The following DLGAP1 variants were observed in gnomAD, a reference collection of about 807,000 sequenced individuals.
DLGAP1 encodes DLG associated protein 1.
A neutral mutation model predicts 90.8 loss-of-function variants in DLGAP1; 11 were observed. The ratio of observed to expected loss-of-function variants is 0.12; its 90% CI spans 0.08 to 0.20. The LOEUF is 0.20. Ranked by LOEUF, DLGAP1 falls within the 10% of genes least tolerant of loss-of-function variation. The probability of loss-of-function intolerance (pLI) is 1.00; values close to 1 mark genes in which losing one functional copy is unlikely to be tolerated. For synonymous variants in DLGAP1, 558 were observed against 540.7 expected, an observed-to-expected ratio of 1.03 and a Z score of -0.44; for missense variants, 1,050 against 1,333.8, an observed-to-expected ratio of 0.79 and a Z score of 3.31.
chr18:3,714,206 T>G (rs1316292024), intron 7 of DLGAP1, among the ~76,000 whole-genome samples: 1 of 152,230 alleles, frequency 6.6e-6, no homozygotes, highest in Admixed American at 6.5e-5. Flanking sequence ...ATGAAGACTT[T>G]CCATGGAAGC....
intron 3 of DLGAP1, among the ~76,000 whole-genome samples, chr18:3,891,651 C>G (rs1280105465): frequency 6.6e-6 from 1 of 152,164 alleles, no homozygotes; most frequent in African/African-American, 2.4e-5. Flanking sequence ...GTGTTGTCCA[C>G]TTTAAATGCA....
intron 1 of DLGAP1, among the ~76,000 whole-genome samples, chr18:4,306,454 TGTGTGTGTGAGA>T (rs777518804): frequency 1.2e-4 from 13 of 110,934 alleles, no homozygotes; most frequent in African/African-American, 3.7e-4. Flanking sequence ...TGTGTGTGTG[TGTGTGTGTGAGA>T]GAGAGAGAGA....
At chr18:4,242,033 T>A (rs969145836) in intron 1 of DLGAP1, among the ~76,000 whole-genome samples, 16 of 152,202 alleles carry the variant, frequency 1.1e-4, no homozygotes, top group African/African-American at 3.9e-4. Flanking sequence ...AGAAAAATGA[T>A]ACATTATTTT....
At chr18:4,373,921 T>C (rs1233902110) in intron 1 of DLGAP1, among the ~76,000 whole-genome samples, 19 of 152,000 alleles carry the variant, frequency 1.3e-4, no homozygotes. Context: ...TTGTTTTAAG[T>C]AGGCAACAAT....
intron 7 of DLGAP1, among the ~76,000 whole-genome samples, chr18:3,665,464 T>A (rs2059846531): frequency 1.3e-5 from 2 of 152,222 alleles, no homozygotes; most frequent in Admixed American, 6.5e-5. Context: ...CTGGGAATAG[T>A]CTTTCTTAAA....
At chr18:3,718,926 GA>G (rs58552058) in intron 7 of DLGAP1, among the ~76,000 whole-genome samples, 79,510 of 95,406 alleles carry the variant, frequency 0.83, 32,794 homozygotes, top group East Asian at 0.94. Context: ...GACTTTGTCT[GA>G]AAAAAAAAAA....
intron 5 of DLGAP1, among the ~76,000 whole-genome samples, chr18:3,769,494 C>T (rs2064415153): frequency 6.6e-6 from 1 of 152,120 alleles, no homozygotes; most frequent in South Asian, 2.1e-4. Flanking sequence ...TGCGCACAAC[C>T]AGGATATCCT....
At chr18:4,317,277 C>T (rs1030086024) in intron 1 of DLGAP1, among the ~76,000 whole-genome samples, 5 of 152,116 alleles carry the variant, frequency 3.3e-5, no homozygotes, top group African/African-American at 1.2e-4. Flanking sequence ...GACACATTCA[C>T]CGGCTTATTT....
At chr18:4,272,038 T>C (rs1195850797) in intron 1 of DLGAP1, among the ~76,000 whole-genome samples, 2 of 152,200 alleles carry the variant, frequency 1.3e-5, no homozygotes, top group Non-Finnish European at 2.9e-5. Context: ...CTTTCATGAC[T>C]GTATTCAGAT....
chr18:3,728,868 C>G (rs1361896083), intron 7 of DLGAP1, among the ~76,000 whole-genome samples: 2 of 152,126 alleles, frequency 1.3e-5, no homozygotes, highest in Non-Finnish European at 2.9e-5. Flanking sequence ...GAAGTCCCTC[C>G]CCTCTGGGCT....
chr18:4,299,401 T>C (rs1244055728), intron 1 of DLGAP1, among the ~76,000 whole-genome samples: 3 of 152,222 alleles, frequency 2.0e-5, no homozygotes, highest in Non-Finnish European at 4.4e-5. Context: ...ATTCAAATAT[T>C]TAATAGTAGT....
At chr18:4,379,521 A>T (rs1478999799) in intron 1 of DLGAP1, among the ~76,000 whole-genome samples, 1 of 152,178 alleles carries the variant, frequency 6.6e-6, no homozygotes, top group African/African-American at 2.4e-5. Flanking sequence ...AATCACATGA[A>T]AAGATAAGGA....
chr18:3,695,116 G>C (rs2061048354), intron 7 of DLGAP1, among the ~76,000 whole-genome samples: 1 of 151,416 alleles, frequency 6.6e-6, no homozygotes, highest in Non-Finnish European at 1.5e-5. Context: ...ATTTTTTTCT[G>C]TATTTTTTTA....
intron 2 of DLGAP1, among the ~76,000 whole-genome samples, chr18:4,048,306 ACTAAT>A (rs1392744640): frequency 2.6e-5 from 4 of 152,374 alleles, no homozygotes; most frequent in African/African-American, 7.2e-5. Flanking sequence ...GAATTAAAAC[ACTAAT>A]CTAAGCCATC....
chr18:3,693,185 C>T (rs1335286448), intron 7 of DLGAP1, among the ~76,000 whole-genome samples: 2 of 152,256 alleles, frequency 1.3e-5, no homozygotes, highest in South Asian at 2.1e-4. Flanking sequence ...TGGGCTCCAG[C>T]GATCCTCCTG....
intron 1 of DLGAP1, among the ~76,000 whole-genome samples, chr18:4,266,506 G>T (rs556343513): frequency 6.6e-6 from 1 of 152,294 alleles, no homozygotes; most frequent in South Asian, 2.1e-4. Flanking sequence ...AGAGCTGACT[G>T]GGGAGGACCT....
At chr18:4,299,680 T>A (rs1385150601) in intron 1 of DLGAP1, among the ~76,000 whole-genome samples, 1 of 149,882 alleles carries the variant, frequency 6.7e-6, no homozygotes, top group East Asian at 1.9e-4. Context: ...CCCTGCAAGA[T>A]TTTGTTTAAA....
intron 2 of DLGAP1, among the ~76,000 whole-genome samples, chr18:4,046,662 G>GT (rs1030760277): frequency 1.3e-5 from 2 of 152,196 alleles, no homozygotes; most frequent in Non-Finnish European, 2.9e-5. Flanking sequence ...CTCAATAGAT[G>GT]TTTTTTGAAA....
chr18:3,600,859 T>G (rs1254020130), intron 7 of DLGAP1, among the ~76,000 whole-genome samples: 3 of 81,958 alleles, frequency 3.7e-5, no homozygotes, highest in Admixed American at 1.4e-4. Flanking sequence ...TATATAGATA[T>G]ATATAGATAT....
Sources: allele counts gnomAD v4.1 joint callset (sites outside exome capture counted in the v4.1 genomes callset), GRCh38; gene constraint gnomAD v4.1.1; transcripts MANE v1.5; gene names NCBI Gene and HGNC (gene_info 2026-07-23, HGNC 2026-07-21).